The following TARS3 variants were observed in gnomAD, a reference collection of about 807,000 sequenced individuals.
TARS3 encodes the protein threonine--tRNA ligase 2, cytoplasmic.
TARS3 carries 94 observed loss-of-function variants against 103.5 expected under a neutral mutation model. That is an observed-to-expected ratio of 0.91 (90% CI 0.77 to 1.08). The LOEUF (loss-of-function observed/expected upper bound fraction) is 1.08, where lower values mean the gene tolerates loss of function less well. TARS3 is among the 50% of genes least tolerant of loss of function. The pLI is 0.00. For synonymous variants in TARS3, 416 were observed against 355.4 expected (o/e 1.17, Z -1.92); for missense variants, 952 against 995.2 (o/e 0.96, Z 0.58).
intron 10 of TARS3, among the ~76,000 whole-genome samples, chr15:101,688,683 C>T (rs2141411536): frequency 6.6e-6 from 1 of 152,164 alleles, no homozygotes; most frequent in South Asian, 2.1e-4. Context: ...CATAAATCTA[C>T]CAGGACAAAG....
In TARS3 at chr15:101,708,823, G is replaced by A; in HGVS notation, c.900C>T (p.Val300=). Residue 300 remains valine, a synonymous_variant, in exon 6 of 19, where the codon GTC becomes GTT. Coordinates refer to ENST00000335968, the MANE Select transcript of TARS3 (RefSeq NM_152334.3). ...KEKQPFERLE[V]SKEILLEMFK... ...ACATTTCCAGGAGGATTTCCTTGCT[G>A]ACTTCTAGTCTTTCAAAAGGTTGCT... 1 of 1,613,430 alleles carries A rather than the reference G, an allele frequency of 6.2e-7. No individual in the cohort carries two copies. The highest frequency in any genetic ancestry group is 8.5e-7 in the Non-Finnish European group (1 of 1,179,488).
intron 12 of TARS3, among the ~76,000 whole-genome samples, chr15:101,683,128 C>T (rs1898321201): frequency 6.6e-6 from 1 of 151,912 alleles, no homozygotes; most frequent in African/African-American, 2.4e-5. Flanking sequence ...TCTGCTCTTT[C>T]TTATTTTCTT....
At chr15:101,674,758 T>C (rs550013651) in intron 13 of TARS3, among the ~76,000 whole-genome samples, 3 of 149,600 alleles carry the variant, frequency 2.0e-5, no homozygotes, top group Non-Finnish European at 4.4e-5. Flanking sequence ...TGAGCTGAGA[T>C]CGCGCCACTG....
intron 11 of TARS3, among the ~76,000 whole-genome samples, 188 bp from the exon 12 acceptor site, chr15:101,684,425 CTG>C (rs1242652202): frequency 6.6e-6 from 1 of 152,204 alleles, no homozygotes; most frequent in Non-Finnish European, 1.5e-5. Context: ...CTGCAGCACT[CTG>C]AGAAAGATGC....
intron 6 of TARS3, among the ~76,000 whole-genome samples, chr15:101,708,030 G>A (rs1261812456): frequency 3.3e-5 from 5 of 151,994 alleles, no homozygotes; most frequent in Non-Finnish European, 7.4e-5. Context: ...GATCACTTGA[G>A]GTCAGGAATT....
At chr15:101,713,973 A>G (rs946380144) in intron 4 of TARS3, among the ~76,000 whole-genome samples, 5 of 152,224 alleles carry the variant, frequency 3.3e-5, no homozygotes, top group Non-Finnish European at 2.9e-5. Context: ...TATAGTTTAA[A>G]GAAATTTAGC....
At position 101,723,504 on chromosome 15, in the gene TARS3, A is replaced by C. The variant is rs183012218; in HGVS notation, c.298-340T>G. Among the ~76,000 whole-genome samples the C allele has an allele frequency of 6.6e-5, 10 of 152,336 alleles. 1 individual carries two copies. The highest frequency in any genetic ancestry group is 6.5e-4 in the Admixed American group (10 of 15,302). On this transcript the variant is annotated intron_variant, in intron 1 of 18. Coordinates refer to ENST00000335968, the MANE Select transcript of TARS3 (RefSeq NM_152334.3). ...CTAGTTCACCGCAGCTGTCCTTCCTAAAGGACTGCAGAACATCTCAGCCTG... is the reference window on the plus strand; with the variant it reads ...CTAGTTCACCGCAGCTGTCCTTCCTCAAGGACTGCAGAACATCTCAGCCTG...
intron 12 of TARS3, among the ~76,000 whole-genome samples, chr15:101,682,122 TTC>T (rs1567334584): frequency 6.6e-6 from 1 of 152,206 alleles, no homozygotes; most frequent in Non-Finnish European, 1.5e-5. Context: ...TGTTTTTTAT[TTC>T]TCTTTCTTAA....
chr15:101,707,102 C>T (rs7175857), intron 6 of TARS3, among the ~76,000 whole-genome samples: 142,866 of 152,270 alleles, frequency 0.94, 67,355 homozygotes, highest in East Asian at 1. Flanking sequence ...AGTACGTCAT[C>T]AGAGAAATGC....
At chr15:101,656,661 G>A (rs903063227) in intron 18 of TARS3, among the ~76,000 whole-genome samples, 6 of 152,042 alleles carry the variant, frequency 3.9e-5, no homozygotes, top group African/African-American at 9.7e-5. Flanking sequence ...AGTTGTTTTC[G>A]TTGTTTGCTT....
At chr15:101,679,994 T>C (rs1898194353) in intron 12 of TARS3, among the ~76,000 whole-genome samples, 1 of 152,170 alleles carries the variant, frequency 6.6e-6, no homozygotes, top group Non-Finnish European at 1.5e-5. Flanking sequence ...AGACGTCTTC[T>C]GACACTACTC....
In TARS3 at chr15:101,659,125, C is replaced by G. The variant is rs1438876528; in HGVS notation, c.2073-1268G>C. On this transcript the variant is annotated intron_variant, in intron 16 of 18. Coordinates refer to ENST00000335968, the MANE Select transcript of TARS3 (RefSeq NM_152334.3). Reference sequence around the variant, plus strand: ...CTTCTTAGAACAACATGCGAACCTACAATTATTTCAAAATATAATTTTTCT... The same window carrying G: ...CTTCTTAGAACAACATGCGAACCTAGAATTATTTCAAAATATAATTTTTCT... Among the ~76,000 whole-genome samples the G allele has an allele frequency of 8.5e-5, 13 of 152,134 alleles. 1 individual carries two copies. Among genetic ancestry groups the G allele is most frequent in the Non-Finnish European group, 1.5e-4 (10 of 68,038 alleles).
At chr15:101,667,576 G>A (rs1426042852) in intron 15 of TARS3, among the ~76,000 whole-genome samples, 1 of 128,498 alleles carries the variant, frequency 7.8e-6, no homozygotes, top group Non-Finnish European at 1.8e-5. Flanking sequence ...TATGGAGATG[G>A]CTTTTTTTTT....
intron 8 of TARS3, among the ~76,000 whole-genome samples, chr15:101,703,166 T>C (rs1899369458): frequency 1.3e-5 from 2 of 152,334 alleles, no homozygotes; most frequent in South Asian, 4.2e-4. Context: ...TTTTCTCCAT[T>C]ACAACATCAT....
At position 101,684,229 on chromosome 15, in the gene TARS3, A is replaced by C. The variant is rs1341839779; in HGVS notation, c.1496T>G (p.Phe499Cys). ...CCTCCAAGATCGTGGACGATGGGCA[A>C]ACATTAGACTAGAAAAGATGTGGTA... ...PMNCPGHCLM[F>C]AHRPRSWREM... is the part of the protein sequence containing the mutation. Residue 499 changes from phenylalanine (F) to cysteine (C), a missense_variant, in exon 12 of 19, where the codon TTT becomes TGT. Phe to Cys is a radical substitution (Grantham distance 205, BLOSUM62 -2). Around this residue, in one of 2 missense-constraint regions of TARS3, gnomAD observed 540 missense variants for 631.0 expected, o/e 0.86. Coordinates refer to ENST00000335968, the MANE Select transcript of TARS3 (RefSeq NM_152334.3). 6.2e-7 allele frequency: 1 copy of C among 1,613,826 alleles called. No homozygotes were observed. The highest frequency in any genetic ancestry group is 1.1e-5 in the South Asian group (1 of 91,040).
chr15:101,663,695 G>C (rs935764131), intron 15 of TARS3, among the ~76,000 whole-genome samples: 4 of 152,022 alleles, frequency 2.6e-5, no homozygotes, highest in African/African-American at 7.2e-5. Flanking sequence ...TATTATTAGT[G>C]CCCATTTCTC....
intron 12 of TARS3, among the ~76,000 whole-genome samples, chr15:101,678,464 C>T (rs1898120201): frequency 6.6e-6 from 1 of 151,246 alleles, no homozygotes; most frequent in Non-Finnish European, 1.5e-5. Context: ...AATTCAATTC[C>T]AATTTATCTA....
chr15:101,687,819 T>C (rs1898539906), intron 10 of TARS3, among the ~76,000 whole-genome samples: 1 of 152,104 alleles, frequency 6.6e-6, no homozygotes. Flanking sequence ...ATGAGATTAG[T>C]GTCCTTATAA....
rs145724587 is a variant in TARS3, at chr15:101,720,853, C to G, written c.566+273G>C. On this transcript the variant is annotated intron_variant, in intron 3 of 18. Coordinates refer to ENST00000335968, the MANE Select transcript of TARS3 (RefSeq NM_152334.3). Reference sequence around the variant, plus strand: ...ATGGTTTTATAAGGGGTTTTCCCCCCACTTTGCTCTGCACTTCTCCTTGCC... The same window carrying G: ...ATGGTTTTATAAGGGGTTTTCCCCCGACTTTGCTCTGCACTTCTCCTTGCC... Among the ~76,000 whole-genome samples the G allele has an allele frequency of 4.1e-3, 629 of 152,276 alleles. 3 individuals carry two copies. Among genetic ancestry groups the G allele is most frequent in the Middle Eastern group, 0.024 (7 of 294 alleles).
Sources: allele counts gnomAD v4.1 joint callset (sites outside exome capture counted in the v4.1 genomes callset), GRCh38; gene constraint gnomAD v4.1.1; regional missense constraint gnomAD v4.1.1; transcripts MANE v1.5; gene names NCBI Gene and HGNC (gene_info 2026-07-23, HGNC 2026-07-21).